Variants in DACH2 observed in about 807,000 individuals in gnomAD.
DACH2 encodes the protein dachshund homolog 2.
Under a neutral mutation model 35.8 loss-of-function variants are expected in DACH2, and 17 were observed. That is an observed-to-expected ratio of 0.48 (90% CI 0.33 to 0.71). The LOEUF (loss-of-function observed/expected upper bound fraction) is 0.71, where lower values mean the gene tolerates loss of function less well. Among genes scored for constraint, DACH2 ranks in the 30% least tolerant of loss-of-function variants. The pLI, the probability that DACH2 is intolerant of heterozygous loss-of-function variation, is 0.02. For synonymous variants in DACH2, 195 were observed against 177.3 expected (o/e 1.10, Z -0.79); for missense variants, 469 against 472.7 (o/e 0.99, Z 0.07).
chrX:86,661,598 T>C (rs189237900), intron 4 of DACH2, among the ~76,000 whole-genome samples: 7 of 112,514 alleles, frequency 6.2e-5, no homozygotes, highest in Non-Finnish European at 1.9e-5. Context: ...CATGGCCATT[T>C]GGGTTGCTTC....
chrX:86,822,811 C>A (rs997296462), intron 11 of DACH2, among the ~76,000 whole-genome samples: 1 of 111,615 alleles, frequency 9.0e-6, no homozygotes, highest in African/African-American at 3.3e-5. Flanking sequence ...TAGACAAATA[C>A]CACACAACTC....
At chrX:86,455,708 G>T (rs899799316) in intron 2 of DACH2, among the ~76,000 whole-genome samples, 5 of 112,229 alleles carry the variant, frequency 4.5e-5, no homozygotes, top group Non-Finnish European at 9.4e-5. Context: ...ACTTGGTCCC[G>T]TCTCAGGCAG....
chrX:86,270,247 CCAAT>C (rs1275336725), intron 1 of DACH2, among the ~76,000 whole-genome samples: 1 of 109,102 alleles, frequency 9.2e-6, no homozygotes, highest in Non-Finnish European at 1.9e-5. Flanking sequence ...CTTCTGATTC[CCAAT>C]CAAATACTCT....
intron 3 of DACH2, among the ~76,000 whole-genome samples, chrX:86,591,555 TG>T (rs2039646195): frequency 9.2e-6 from 1 of 108,217 alleles, no homozygotes. Flanking sequence ...TTTTTTTTTT[TG>T]AGAAGGAGTC....
chrX:86,419,628 G>A (rs1194646022), intron 2 of DACH2, among the ~76,000 whole-genome samples: 1 of 111,942 alleles, frequency 8.9e-6, no homozygotes, highest in East Asian at 2.8e-4. Flanking sequence ...ATTTGGGTGT[G>A]GACACAGCCA....
intron 2 of DACH2, among the ~76,000 whole-genome samples, chrX:86,504,044 A>G (rs941763006): frequency 9.1e-6 from 1 of 109,294 alleles, no homozygotes; most frequent in Non-Finnish European, 1.9e-5. Context: ...TCAGATGACT[A>G]TTCATTTAAA....
intron 3 of DACH2, among the ~76,000 whole-genome samples, chrX:86,649,727 A>G (rs927359766): frequency 1.8e-5 from 2 of 111,218 alleles, no homozygotes; most frequent in Non-Finnish European, 3.8e-5. Context: ...GCAAAATAGA[A>G]CCTTAGTTAT....
At chrX:86,459,015 T>A (rs1408068159) in intron 2 of DACH2, among the ~76,000 whole-genome samples, 8 of 111,500 alleles carry the variant, frequency 7.2e-5, no homozygotes, top group Non-Finnish European at 1.5e-4. Context: ...ACTTAAAGTA[T>A]AATAAAAAAC....
At chrX:86,743,301 G>C (rs2041676820) in intron 7 of DACH2, among the ~76,000 whole-genome samples, 1 of 111,300 alleles carries the variant, frequency 9.0e-6, no homozygotes, top group Non-Finnish European at 1.9e-5. Flanking sequence ...TCTTAGGAGA[G>C]CTGTTCAAGG....
At chrX:86,389,889 A>G (rs1465867314) in intron 2 of DACH2, among the ~76,000 whole-genome samples, 2 of 112,314 alleles carry the variant, frequency 1.8e-5, no homozygotes, top group Admixed American at 1.9e-4. Flanking sequence ...TGATGCTGGA[A>G]AAAAAATCTT....
intron 1 of DACH2, among the ~76,000 whole-genome samples, chrX:86,285,007 T>G (rs1812368412): frequency 1.8e-5 from 2 of 111,844 alleles, no homozygotes. Context: ...ATTTATTTAC[T>G]TATATGTATT....
At chrX:86,248,197 A>G (rs1362476043) in intron 1 of DACH2, among the ~76,000 whole-genome samples, 8 of 111,087 alleles carry the variant, frequency 7.2e-5, no homozygotes, top group African/African-American at 2.3e-4. Context: ...AGAGCAATCA[A>G]TCAGGCAAGA....
At chrX:86,590,136 G>A (rs185461510) in intron 3 of DACH2, among the ~76,000 whole-genome samples, 5 of 111,761 alleles carry the variant, frequency 4.5e-5, no homozygotes, top group South Asian at 3.7e-4. Flanking sequence ...CTGTCTCACC[G>A]CTGCTAGTAC....
chrX:86,590,034 C>G (rs1473062958), intron 3 of DACH2, among the ~76,000 whole-genome samples: 5 of 111,398 alleles, frequency 4.5e-5, no homozygotes, highest in Admixed American at 9.6e-5. Flanking sequence ...AAGCAGTTAC[C>G]ACCGCTAAGG....
intron 3 of DACH2, among the ~76,000 whole-genome samples, chrX:86,582,605 A>C (rs1331197474): frequency 9.0e-6 from 1 of 110,573 alleles, no homozygotes; most frequent in Non-Finnish European, 1.9e-5. Flanking sequence ...CAACTAGAAA[A>C]CCTAGAATTA....
At chrX:86,678,185 G>T (rs1015118686) in intron 4 of DACH2, among the ~76,000 whole-genome samples, 9 of 112,186 alleles carry the variant, frequency 8.0e-5, no homozygotes, top group Non-Finnish European at 1.7e-4. Context: ...TACATTTTTA[G>T]ATAGTATATT....
intron 2 of DACH2, among the ~76,000 whole-genome samples, chrX:86,442,691 T>C (rs1020520927): frequency 9.0e-6 from 1 of 110,933 alleles, no homozygotes; most frequent in Non-Finnish European, 1.9e-5. Context: ...AGGTTTTGCA[T>C]TTATGTCTTT....
Position 86,832,359 on chromosome X carries a change from C to T in DACH2, c.*204C>T. On this transcript the variant is annotated 3_prime_UTR_variant, in exon 12 of 12. Transcript: ENST00000373125. ...AAACTTTGTTCTTGCATTAGACTGACCAGTTTAAAAATATGAACTAAAACC... is the reference window on the plus strand; with the variant it reads ...AAACTTTGTTCTTGCATTAGACTGATCAGTTTAAAAATATGAACTAAAACC... 1 of 365,675 alleles carries T rather than the reference C, an allele frequency of 2.7e-6. No homozygotes were observed. Among genetic ancestry groups the T allele is most frequent in the Non-Finnish European group, 4.7e-6 (1 of 214,499 alleles). The allele number at this position is 365,675 out of a possible 1,213,427, so 30.1% of individuals were successfully genotyped here. A position where few individuals can be genotyped will look rare whatever the true frequency, so the allele number is the denominator to read the frequency against.
chrX:86,495,742 G>A (rs1369927641), intron 2 of DACH2, among the ~76,000 whole-genome samples: 3 of 109,577 alleles, frequency 2.7e-5, no homozygotes, highest in Admixed American at 9.8e-5. Context: ...CCTTGAGTCA[G>A]CCCAAGGGTT....
Sources: allele counts gnomAD v4.1 joint callset (sites outside exome capture counted in the v4.1 genomes callset), GRCh38; gene constraint gnomAD v4.1.1; transcripts MANE v1.5; gene names NCBI Gene and HGNC (gene_info 2026-07-23, HGNC 2026-07-21).